The following PDE1C variants were observed in gnomAD, a reference collection of about 807,000 sequenced individuals.
PDE1C encodes the protein phosphodiesterase 1C, also known as dual specificity calcium/calmodulin-dependent 3',5'-cyclic nucleotide phosphodiesterase 1C.
A neutral mutation model predicts 93.1 loss-of-function variants in PDE1C; 62 were observed. The ratio of observed to expected loss-of-function variants is 0.67; its 90% CI spans 0.54 to 0.82. The LOEUF (loss-of-function observed/expected upper bound fraction) is 0.82, where lower values mean the gene tolerates loss of function less well. Ranked by LOEUF, PDE1C falls within the 40% of genes least tolerant of loss-of-function variation. The pLI is 0.00. For missense variants in PDE1C, 742 were observed against 884.6 expected (o/e 0.84, Z 2.04); for synonymous variants, 325 against 310.1 (o/e 1.05, Z -0.50).
At chr7:31,906,651 C>A (rs1800620890) in intron 2 of PDE1C, among the ~76,000 whole-genome samples, 1 of 152,128 alleles carries the variant, frequency 6.6e-6, no homozygotes, top group Non-Finnish European at 1.5e-5. Context: ...GAGGGAAAGG[C>A]ATTCACTCAT....
the PDE1C span, among the ~76,000 whole-genome samples, chr7:31,712,278 G>C: frequency 6.4e-4 from 87 of 135,180 alleles, no homozygotes; most frequent in African/African-American, 2.6e-3. Context: ...TCTACAGTGA[G>C]TGAGTGAGTG....
intron 1 of PDE1C, among the ~76,000 whole-genome samples, chr7:32,362,590 A>T (rs1784156206): frequency 6.6e-6 from 1 of 152,188 alleles, no homozygotes; most frequent in South Asian, 2.1e-4. Flanking sequence ...ACAGCCACAC[A>T]GATGTCCACT....
At chr7:31,690,213 G>A in the PDE1C span, among the ~76,000 whole-genome samples, 19 of 152,254 alleles carry the variant, frequency 1.2e-4, no homozygotes, top group African/African-American at 3.9e-4. Context: ...ATTATACAAC[G>A]GGTCTTCCTT....
At chr7:31,761,568 T>A (rs1794835044) in intron 17 of PDE1C, among the ~76,000 whole-genome samples, 1 of 152,032 alleles carries the variant, frequency 6.6e-6, no homozygotes, top group Non-Finnish European at 1.5e-5. Flanking sequence ...GCCAGTGGAG[T>A]CTAGCCAGGC....
chr7:32,171,947 T>C lies in PDE1C; in HGVS notation c.137-1991A>G, dbSNP rs995462074. Among the ~76,000 whole-genome samples the C allele has an allele frequency of 4.9e-4, 74 of 149,710 alleles. 1 individual carries two copies. Among genetic ancestry groups the C allele is most frequent in the African/African-American group, 1.8e-3 (73 of 40,404 alleles). On this transcript the variant is annotated intron_variant, in intron 2 of 18. Coordinates refer to the PDE1C transcript ENST00000396193. The stretch of plus-strand genomic sequence containing the variant: ...CCATGCTAAGGTAAGAGGTTAATAA[T>C]ACAGGAAACTGCGTGTAGGCCGTAT...
intron 1 of PDE1C, among the ~76,000 whole-genome samples, chr7:32,261,863 C>T (rs1810227451): frequency 6.6e-6 from 1 of 152,158 alleles, no homozygotes; most frequent in South Asian, 2.1e-4. Context: ...AATATGCCAC[C>T]AGTTTTAAAA....
At chr7:32,102,225 G>T (rs1385935839) in intron 3 of PDE1C, among the ~76,000 whole-genome samples, 1 of 152,126 alleles carries the variant, frequency 6.6e-6, no homozygotes, top group Admixed American at 6.5e-5. Context: ...CGTCTTGTTT[G>T]TTCCCTCAAA....
rs142822264 is a variant in PDE1C, at chr7:31,963,787, T to C, written c.129-82927A>G. Among the ~76,000 whole-genome samples the C allele has an allele frequency of 4.6e-5, 7 of 152,344 alleles. No homozygotes were observed. The East Asian group carries it at 1.4e-3, about 29-fold the overall frequency. On this transcript the variant is annotated intron_variant, in intron 2 of 17. Transcript: ENST00000396191. The stretch of plus-strand genomic sequence containing the variant: ...ACCTACTTATTAACTCAGTCTGGCA[T>C]TGAATTAGGCTAGAGAGGGTTATGA...
intron 16 of PDE1C, among the ~76,000 whole-genome samples, chr7:31,807,143 G>C (rs1197024272): frequency 6.6e-6 from 1 of 151,828 alleles, no homozygotes; most frequent in African/African-American, 2.4e-5. Flanking sequence ...TGTCATATTA[G>C]TCCATCAATG....
intron 3 of PDE1C, among the ~76,000 whole-genome samples, chr7:32,137,598 A>C (rs1043954670): frequency 6.6e-6 from 1 of 152,216 alleles, no homozygotes; most frequent in Non-Finnish European, 1.5e-5. Flanking sequence ...AGGGTAAATG[A>C]CCAAGGCTGT....
intron 3 of PDE1C, among the ~76,000 whole-genome samples, chr7:32,160,607 C>T (rs891044442): frequency 2.0e-5 from 3 of 152,194 alleles, no homozygotes; most frequent in East Asian, 1.9e-4. Context: ...TCTGGGAGGT[C>T]GAGGTGGGTG....
At chr7:32,126,210 T>TAGAC (rs967852162) in intron 3 of PDE1C, among the ~76,000 whole-genome samples, 1 of 132,018 alleles carries the variant, frequency 7.6e-6, no homozygotes, top group African/African-American at 2.9e-5. Flanking sequence ...TCTAGATAGA[T>TAGAC]AGATAGATAG....
At chr7:31,645,899 A>T in the PDE1C span, among the ~76,000 whole-genome samples, 1 of 152,150 alleles carries the variant, frequency 6.6e-6, no homozygotes, top group Non-Finnish European at 1.5e-5. Context: ...ACTCAGCTCT[A>T]AGAGAATAAA....
intron 1 of PDE1C, among the ~76,000 whole-genome samples, chr7:32,066,272 T>A (rs1363964069): frequency 1.3e-5 from 2 of 152,166 alleles, no homozygotes; most frequent in Non-Finnish European, 2.9e-5. Context: ...GTTAGCATAG[T>A]AAGGTGGATG....
chr7:32,374,733 G>T (rs968736042), intron 1 of PDE1C, among the ~76,000 whole-genome samples: 4 of 152,164 alleles, frequency 2.6e-5, no homozygotes, highest in Admixed American at 2.6e-4. Context: ...AAGACTTTGG[G>T]GTGCTTTGCT....
At chr7:32,354,425 G>A (rs532711040) in intron 1 of PDE1C, among the ~76,000 whole-genome samples, 11 of 152,194 alleles carry the variant, frequency 7.2e-5, no homozygotes, top group African/African-American at 2.6e-4. Flanking sequence ...CCAGAAGTTT[G>A]AGACCAGTCT....
At chr7:31,832,925 T>C (rs925452937) in intron 11 of PDE1C, among the ~76,000 whole-genome samples, 11 of 152,190 alleles carry the variant, frequency 7.2e-5, no homozygotes, top group Admixed American at 2.0e-4. Flanking sequence ...CTATTATCTA[T>C]CCTTTCGCCA....
the PDE1C span, among the ~76,000 whole-genome samples, chr7:31,694,406 A>ACACACACACACACACC: frequency 1.3e-4 from 19 of 151,966 alleles, no homozygotes; most frequent in African/African-American, 4.4e-4. Context: ...ACACACACAC[A>ACACACACACACACACC]CACACACACA....
intron 1 of PDE1C, among the ~76,000 whole-genome samples, chr7:32,309,024 C>T (rs1333030046): frequency 2.0e-5 from 3 of 151,778 alleles, no homozygotes; most frequent in Admixed American, 6.6e-5. Context: ...GAATGGATAA[C>T]TAGAATAACC....
Sources: gnomAD v4.1 joint callset for allele counts (sites outside exome capture counted in the v4.1 genomes callset) on GRCh38, gnomAD v4.1.1 for gene constraint, MANE v1.5 for transcripts, NCBI Gene and HGNC (gene_info 2026-07-23, HGNC 2026-07-21) for gene names.